The following SLC23A1 variants were observed in gnomAD, a reference collection of about 807,000 sequenced individuals.
The protein encoded by SLC23A1 is Na(+)/L-ascorbic acid transporter 1.
SLC23A1 carries 31 observed loss-of-function variants against 62.5 expected under a neutral mutation model. The observed-to-expected ratio is 0.50, with a 90% CI of 0.37 to 0.67. SLC23A1 has a LOEUF of 0.67. SLC23A1 is among the 30% of genes least tolerant of loss of function. The probability of loss-of-function intolerance (pLI) is 0.00; values close to 1 mark genes in which losing one functional copy is unlikely to be tolerated. For synonymous variants in SLC23A1, 271 were observed against 313.2 expected (o/e 0.87, Z 1.42); for missense variants, 640 against 782.7 (o/e 0.82, Z 2.18).
Position 139,371,980 on chromosome 5 carries a change from A to G in SLC23A1, c.*19+7T>C. 6.2e-7 allele frequency: 1 copy of G among 1,609,296 alleles called. No individual in the cohort carries two copies. Among genetic ancestry groups the G allele is most frequent in the Non-Finnish European group, 8.5e-7 (1 of 1,176,190 alleles). ...ACCCTCCCACAAAAACCATAGACAC[A>G]TCCTACCTTTCCTGGAAGTCATTTT... On this transcript the variant is annotated splice_region_variant and intron_variant, in intron 14 of 14. Transcript: ENST00000348729.
Position 139,379,085 on chromosome 5 carries a change from T to G in SLC23A1, c.1073+122A>C. 1 of 945,230 alleles carries G rather than the reference T, an allele frequency of 1.1e-6. No individual in the cohort carries two copies. The highest frequency in any genetic ancestry group is 1.7e-6 in the Non-Finnish European group (1 of 602,324). 58.6% of individuals were successfully genotyped at this position (945,230 alleles called of 1,614,324 possible). On this transcript the variant is annotated intron_variant, in intron 9 of 14. Transcript: ENST00000348729. The surrounding 1 kb of genome is among the most constrained non-coding windows in gnomAD (Gnocchi z 4.7). Reference sequence around the variant, plus strand: ...ACCCCCATCGCACAAACAAGGAGAATGAGGTCTGGAGCGTGTTCCCGACTT... The same window carrying G: ...ACCCCCATCGCACAAACAAGGAGAAGGAGGTCTGGAGCGTGTTCCCGACTT...
chr5:139,379,141 G>C lies in SLC23A1; in HGVS notation c.1073+66C>G. On this transcript the variant is annotated intron_variant, in intron 9 of 14. Coordinates refer to ENST00000348729, the MANE Select transcript of SLC23A1 (RefSeq NM_005847.5). This position sits in a 1 kb window ranked among gnomAD's most constrained non-coding sequence, Gnocchi z 4.7. ...AGCCTACCCCCTGGGCCTCCACCCC[G>C]TTCCTGTGTGTGCTTCCTGGGTGGC... 1 of 1,561,082 alleles carries C rather than the reference G, an allele frequency of 6.4e-7. No homozygotes were observed. Among genetic ancestry groups the C allele is most frequent in the Admixed American group, 1.7e-5 (1 of 59,194 alleles).
At chr5:139,376,773 ATC>A (rs1392818248) in intron 13 of SLC23A1, among the ~76,000 whole-genome samples, 2 of 152,180 alleles carry the variant, frequency 1.3e-5, no homozygotes, top group Non-Finnish European at 2.9e-5. Flanking sequence ...TGCTGCATTT[ATC>A]TCTGTCCTAC....
At chr5:139,367,695 A>G (rs933185983) in intron 14 of SLC23A1, 64 bp from the exon 15 acceptor site, 5 of 151,842 alleles carry the variant, frequency 3.3e-5, no homozygotes, top group African/African-American at 1.2e-4. Flanking sequence ...AGGATTCTAA[A>G]GTAAAATCAG....
intron 3 of SLC23A1, among the ~76,000 whole-genome samples, chr5:139,381,587 T>G (rs746962092): frequency 8.6e-6 from 1 of 116,568 alleles, no homozygotes; most frequent in Admixed American, 1.3e-4. Context: ...CAATCCAGCC[T>G]AGGCAACAAG....
intron 5 of SLC23A1, 50 bp downstream of exon 5, chr5:139,380,515 A>G: frequency 6.3e-7 from 1 of 1,598,024 alleles, no homozygotes; most frequent in South Asian, 1.1e-5. Flanking sequence ...TCACTCCCAT[A>G]TAGCCCCTCC....
chr5:139,378,408 T>C lies in SLC23A1; in HGVS notation c.1180-57A>G. ...GGGGACGAGGCTGGGGCGGGGTTAG[T>C]TCCAGGGGCGGGGCCTGTTATAAGA... is the stretch of plus-strand genomic sequence containing the variant. On this transcript the variant is annotated intron_variant, in intron 10 of 14. Transcript: ENST00000348729. This position sits in a 1 kb window ranked among gnomAD's most constrained non-coding sequence, Gnocchi z 4.5. 1 of 1,537,094 alleles carries C rather than the reference T, an allele frequency of 6.5e-7. No homozygotes were observed. The highest frequency in any genetic ancestry group is 2.5e-5 in the East Asian group (1 of 40,808).
In SLC23A1 at chr5:139,378,464, G is replaced by T; in HGVS notation, c.1180-113C>A. On this transcript the variant is annotated intron_variant, in intron 10 of 14. Coordinates refer to ENST00000348729, the MANE Select transcript of SLC23A1 (RefSeq NM_005847.5). This position sits in a 1 kb window ranked among gnomAD's most constrained non-coding sequence, Gnocchi z 4.5. Reference sequence around the variant, plus strand: ...GCATAAACCGGCTGGGGCTTGATGCGGGGGCGAGGCCTCTCAAAGACAGGG... The same window carrying T: ...GCATAAACCGGCTGGGGCTTGATGCTGGGGCGAGGCCTCTCAAAGACAGGG... 1.4e-6 allele frequency: 2 copies of T among 1,444,964 alleles called. No individual in the cohort carries two copies. The highest frequency in any genetic ancestry group is 1.3e-5 in the South Asian group (1 of 79,210). The allele number at this position is 1,444,964 out of a possible 1,614,324, so 89.5% of individuals were successfully genotyped here.
At chr5:139,370,415 C>T (rs1222770311) in intron 14 of SLC23A1, among the ~76,000 whole-genome samples, 1 of 152,122 alleles carries the variant, frequency 6.6e-6, no homozygotes, top group African/African-American at 2.4e-5. Flanking sequence ...AGGTTATCCA[C>T]CTGCCTCGGC....
rs1758061142 is a variant in SLC23A1 at position 139,378,444 on chromosome 5, A to C, written c.1180-93T>G. The stretch of plus-strand genomic sequence containing the variant: ...GGGCCTGTTATAAGAGCGAGGCATA[A>C]ACCGGCTGGGGCTTGATGCGGGGGC... On this transcript the variant is annotated intron_variant, in intron 10 of 14. Coordinates refer to ENST00000348729, the MANE Select transcript of SLC23A1 (RefSeq NM_005847.5). This position sits in a 1 kb window ranked among gnomAD's most constrained non-coding sequence, Gnocchi z 4.5. The C allele has an allele frequency of 6.7e-7, 1 of 1,491,800 alleles. No individual in the cohort carries two copies. The highest frequency in any genetic ancestry group is 1.3e-5 in the South Asian group (1 of 79,798). The allele number at this position is 1,491,800 out of a possible 1,614,324, so 92.4% of individuals were successfully genotyped here.
Position 139,370,210 on chromosome 5 carries a change from G to T in SLC23A1, c.*19+1777C>A, listed in dbSNP as rs564836707. On this transcript the variant is annotated intron_variant, in intron 14 of 14. Coordinates refer to ENST00000348729, the MANE Select transcript of SLC23A1 (RefSeq NM_005847.5). ...TTTGGAGACGGAGTCCTGCTCTGTT[G>T]CCCAGGCTGAAGTACAGTGGCACGA... 2.0e-5 allele frequency among the ~76,000 whole-genome samples: 3 copies of T among 152,268 alleles called. No individual in the cohort carries two copies. In the South Asian group the frequency reaches 6.2e-4, roughly 32 times the overall value.
chr5:139,377,903 T>C (rs892925720), intron 12 of SLC23A1, 72 bp downstream of exon 12: 1 of 1,486,930 alleles, frequency 6.7e-7, no homozygotes, highest in Non-Finnish European at 9.2e-7. Context: ...GTGTGGAGCC[T>C]TTGAGGGAGG....
At chr5:139,384,622 G>A, upstream of SLC23A1, 1 of 1,246,808 alleles carries the variant, frequency 8.0e-7, no homozygotes, top group Non-Finnish European at 1.0e-6. Context: ...GGGTGCTGTG[G>A]AGACCAAGCC....
chr5:139,381,001 G>T, intron 3 of SLC23A1, 115 bp from the exon 4 acceptor site: 1 of 618,602 alleles, frequency 1.6e-6, no homozygotes, highest in Admixed American at 2.9e-5. Context: ...AGACACAAGG[G>T]ACAAGGGCAG....
chr5:139,384,509 C>T, upstream of SLC23A1: 8 of 1,289,878 alleles, frequency 6.2e-6, no homozygotes, highest in Non-Finnish European at 8.1e-6. Context: ...CTCTCCTCTC[C>T]CTCTTGGCTA....
In SLC23A1 at chr5:139,379,824, G is replaced by T. The variant is rs1354311830; in HGVS notation, c.779C>A (p.Ala260Asp). The T allele has an allele frequency of 6.2e-7, 1 of 1,614,130 alleles. No homozygotes were observed. Among genetic ancestry groups the T allele is most frequent in the Admixed American group, 1.7e-5 (1 of 60,014 alleles). The part of the protein sequence containing the change: ...QIFKMFPIML[A>D]IMTVWLLCYV... ...GCAGAGCAGCCACACGGTCATGATG[G>T]CCAGCATGATCTGAAGGAGGGGGGT... The change falls in exon 8 of 15, where the codon GCC (alanine) becomes GAC (aspartate). Residue 260 changes from alanine to aspartate, a missense_variant. Coordinates refer to ENST00000348729, the MANE Select transcript of SLC23A1 (RefSeq NM_005847.5). The surrounding 1 kb of genome is among the most constrained non-coding windows in gnomAD (Gnocchi z 4.7).
chr5:139,379,135 C>T lies in SLC23A1; in HGVS notation c.1073+72G>A. 6.5e-7 allele frequency: 1 copy of T among 1,533,306 alleles called. No homozygotes were observed. The highest frequency in any genetic ancestry group is 1.2e-5 in the South Asian group (1 of 86,150). The allele number at this position is 1,533,306 out of a possible 1,614,324, so 95.0% of individuals were successfully genotyped here. On this transcript the variant is annotated intron_variant, in intron 9 of 14. Transcript: ENST00000348729. This position sits in a 1 kb window ranked among gnomAD's most constrained non-coding sequence, Gnocchi z 4.7. ...TGCCTAAGCCTACCCCCTGGGCCTC[C>T]ACCCCGTTCCTGTGTGTGCTTCCTG... is the stretch of plus-strand genomic sequence containing the variant.
At chr5:139,383,075 G>A (rs537415557) in intron 1 of SLC23A1, 143 bp downstream of exon 1, 20 of 594,854 alleles carry the variant, frequency 3.4e-5, no homozygotes, top group Non-Finnish European at 5.3e-5. Context: ...CCATCCCCCA[G>A]TTGCCACATT....
chr5:139,378,901 G>A lies in SLC23A1; in HGVS notation c.1074-217C>T, dbSNP rs1273474407. Among the ~76,000 whole-genome samples the A allele has an allele frequency of 6.6e-6, 1 of 152,092 alleles. No homozygotes were observed. Among genetic ancestry groups the A allele is most frequent in the African/African-American group, 2.4e-5 (1 of 41,408 alleles). ...ATTCTGGCCTTCAATTTCCTCCTGG[G>A]ATAAATACCGGTGCCCGTCTCACAA... On this transcript the variant is annotated intron_variant, in intron 9 of 14. Coordinates refer to ENST00000348729, the MANE Select transcript of SLC23A1 (RefSeq NM_005847.5). This position sits in a 1 kb window ranked among gnomAD's most constrained non-coding sequence, Gnocchi z 4.5.
Sources: allele counts gnomAD v4.1 joint callset (sites outside exome capture counted in the v4.1 genomes callset), GRCh38; gene constraint gnomAD v4.1.1; non-coding constraint Gnocchi (gnomAD v3.1); transcripts MANE v1.5; gene names NCBI Gene and HGNC (gene_info 2026-07-23, HGNC 2026-07-21).